The following CTNNA3 variants were observed in gnomAD, a reference collection of about 807,000 sequenced individuals.
CTNNA3 encodes catenin alpha-3.
A neutral mutation model predicts 95.7 loss-of-function variants in CTNNA3; 76 were observed. The observed-to-expected ratio is 0.79, with a 90% CI of 0.66 to 0.96. The LOEUF (loss-of-function observed/expected upper bound fraction) is 0.96, where lower values mean the gene tolerates loss of function less well. Among genes scored for constraint, CTNNA3 ranks in the 40% least tolerant of loss-of-function variants. The probability of loss-of-function intolerance (pLI) is 0.00; values close to 1 mark genes in which losing one functional copy is unlikely to be tolerated. For missense variants in CTNNA3, 1,191 were observed against 1,089.8 expected (o/e 1.09, Z -1.31); for synonymous variants, 431 against 374.4 (o/e 1.15, Z -1.74).
chr10:66,894,261 G>A (rs1368806959), intron 7 of CTNNA3, among the ~76,000 whole-genome samples: 2 of 151,990 alleles, frequency 1.3e-5, no homozygotes, highest in African/African-American at 4.8e-5. Flanking sequence ...ACAGGTAAAG[G>A]AGTTTGAACA....
At chr10:66,069,586 T>C (rs915046055) in intron 14 of CTNNA3, 97 bp from the exon 15 acceptor site, 3 of 916,630 alleles carry the variant, frequency 3.3e-6, no homozygotes, top group African/African-American at 3.4e-5. Context: ...AACTTGTTCA[T>C]TTAAAATCAG....
chr10:66,426,376 G>A (rs1362120661), intron 11 of CTNNA3, among the ~76,000 whole-genome samples: 3 of 151,968 alleles, frequency 2.0e-5, no homozygotes, highest in African/African-American at 7.2e-5. Context: ...GTATATTACT[G>A]ATACACTTTC....
intron 6 of CTNNA3, among the ~76,000 whole-genome samples, chr10:67,187,028 T>G (rs1224373434): frequency 1.3e-5 from 2 of 152,220 alleles, no homozygotes; most frequent in Non-Finnish European, 2.9e-5. Context: ...TATTTTTATC[T>G]CTCTCTGGAG....
chr10:67,615,432 A>G (rs1356411200), intron 2 of CTNNA3, among the ~76,000 whole-genome samples: 1 of 152,228 alleles, frequency 6.6e-6, no homozygotes, highest in African/African-American at 2.4e-5. Context: ...AACTAGGAAA[A>G]GACCACATGC....
chr10:66,298,744 TC>T (rs373592026), intron 12 of CTNNA3, among the ~76,000 whole-genome samples: 2 of 152,286 alleles, frequency 1.3e-5, no homozygotes, highest in African/African-American at 4.8e-5. Flanking sequence ...AGATTGTCTT[TC>T]CTCGGATTTT....
intron 5 of CTNNA3, among the ~76,000 whole-genome samples, chr10:67,499,160 G>A (rs1279959891): frequency 6.6e-6 from 1 of 152,102 alleles, no homozygotes; most frequent in Non-Finnish European, 1.5e-5. Context: ...GTTGAATTTT[G>A]TTGAAGGCCT....
At chr10:66,227,804 G>A (rs749918835) in intron 13 of CTNNA3, among the ~76,000 whole-genome samples, 2 of 152,022 alleles carry the variant, frequency 1.3e-5, no homozygotes, top group Non-Finnish European at 2.9e-5. Context: ...CCTAGGCTTT[G>A]TGCTGTTGTT....
intron 9 of CTNNA3, among the ~76,000 whole-genome samples, chr10:66,645,832 C>T (rs1845688785): frequency 6.6e-6 from 1 of 152,224 alleles, no homozygotes; most frequent in East Asian, 1.9e-4. Flanking sequence ...ACTCACTATC[C>T]GTGGAAAAAT....
At chr10:67,577,702 ATGTG>A (rs112856846) in intron 3 of CTNNA3, among the ~76,000 whole-genome samples, 52 of 149,386 alleles carry the variant, frequency 3.5e-4, no homozygotes, top group East Asian at 5.9e-4. Flanking sequence ...ATACACACAT[ATGTG>A]TGTGTGTGTG....
chr10:66,395,725 C>G lies in CTNNA3; in HGVS notation c.1532-16373G>C. Among the ~76,000 whole-genome samples, 2 of 152,080 alleles carry G rather than the reference C, an allele frequency of 1.3e-5. 1 individual carries two copies. The highest frequency in any genetic ancestry group is 4.2e-4 in the South Asian group (2 of 4,818). On this transcript the variant is annotated intron_variant, in intron 11 of 17. Transcript: ENST00000433211. ...CATTCTGTAACCTCTGAACAAGATCCCAATTTCACCAGCATCAGTAATTGT... is the reference window on the plus strand; with the variant it reads ...CATTCTGTAACCTCTGAACAAGATCGCAATTTCACCAGCATCAGTAATTGT...
At chr10:65,938,787 C>T (rs1401158327) in intron 17 of CTNNA3, among the ~76,000 whole-genome samples, 1 of 151,956 alleles carries the variant, frequency 6.6e-6, no homozygotes, top group African/African-American at 2.4e-5. Context: ...TGAGCCTATT[C>T]GATCCCTTAT....
chr10:67,377,026 A>G (rs1843718729), intron 5 of CTNNA3, among the ~76,000 whole-genome samples: 1 of 152,210 alleles, frequency 6.6e-6, no homozygotes, highest in South Asian at 2.1e-4. Flanking sequence ...TTTAAAATGA[A>G]AAAGGCATGT....
intron 4 of CTNNA3, among the ~76,000 whole-genome samples, chr10:67,527,736 C>T (rs1284089829): frequency 6.6e-6 from 1 of 152,162 alleles, no homozygotes; most frequent in Non-Finnish European, 1.5e-5. Context: ...CAATATCTAC[C>T]AAGAGGTGGA....
intron 13 of CTNNA3, among the ~76,000 whole-genome samples, chr10:66,190,452 C>T (rs999305433): frequency 1.3e-5 from 2 of 151,998 alleles, no homozygotes; most frequent in African/African-American, 4.8e-5. Context: ...ATATAGAGTG[C>T]CATTGACATC....
intron 9 of CTNNA3, among the ~76,000 whole-genome samples, chr10:66,701,213 G>T (rs1443795530): frequency 6.6e-6 from 1 of 151,932 alleles, no homozygotes; most frequent in Non-Finnish European, 1.5e-5. Context: ...CATTTCTATT[G>T]ATCTATTTTT....
chr10:67,592,546 T>C (rs1028508240), intron 3 of CTNNA3, among the ~76,000 whole-genome samples: 2 of 152,086 alleles, frequency 1.3e-5, no homozygotes, highest in African/African-American at 4.8e-5. Flanking sequence ...AAAGGCACAG[T>C]ACCTTCAAGG....
intron 13 of CTNNA3, among the ~76,000 whole-genome samples, chr10:66,179,386 G>C (rs975229643): frequency 6.6e-6 from 1 of 152,056 alleles, no homozygotes; most frequent in Non-Finnish European, 1.5e-5. Context: ...GAGTTGGAGG[G>C]AAGTATATGT....
chr10:66,633,691 T>A (rs1169535648), intron 9 of CTNNA3, among the ~76,000 whole-genome samples: 1 of 151,844 alleles, frequency 6.6e-6, no homozygotes, highest in East Asian at 1.9e-4. Flanking sequence ...AAAAAAAAAA[T>A]TATTTACTTA....
chr10:67,559,008 C>A (rs1435514860), intron 3 of CTNNA3, among the ~76,000 whole-genome samples: 1 of 152,230 alleles, frequency 6.6e-6, no homozygotes, highest in Admixed American at 6.5e-5. Flanking sequence ...GTGGAGCCCA[C>A]CACAGCTCAA....
Sources: gnomAD v4.1 joint callset for allele counts (sites outside exome capture counted in the v4.1 genomes callset) on GRCh38, gnomAD v4.1.1 for gene constraint, MANE v1.5 for transcripts, NCBI Gene and HGNC (gene_info 2026-07-23, HGNC 2026-07-21) for gene names.